The following IGSF9B variants were observed in gnomAD, a reference collection of about 807,000 sequenced individuals.
IGSF9B encodes protein turtle homolog B.
In IGSF9B, 48 loss-of-function variants were observed where a neutral mutation model predicts 143.7. That is an observed-to-expected ratio of 0.33 (90% confidence interval 0.26 to 0.42). IGSF9B has a LOEUF of 0.42. Ranked by LOEUF, IGSF9B falls within the 20% of genes least tolerant of loss-of-function variation. IGSF9B has a pLI of 1.00. For missense variants in IGSF9B, 1,706 were observed against 1,980.0 expected (o/e 0.86, Z 2.63); for synonymous variants, 903 against 833.1 (o/e 1.08, Z -1.44).
rs1026565031 is a variant in IGSF9B at position 133,920,492 on chromosome 11, C to G, written c.3233G>C (p.Arg1078Pro). The change falls in exon 18 of 20, where the codon CGA (arginine) becomes CCA (proline). Residue 1078 changes from arginine to proline, a missense_variant. By Grantham distance (103) the Arg-to-Pro change is moderately radical (BLOSUM62 -2). This residue lies in a region of IGSF9B where 880 missense variants were observed against 762.9 expected (regional missense o/e 1.15). Coordinates refer to ENST00000533871, the MANE Select transcript of IGSF9B (RefSeq NM_001277285.4). The part of the protein sequence containing the change: ...ESLQPKAGLP[R>P]GLPPTSLQVP... ...CTGCAGGGAGGTGGGGGGCAGTCCTCGGGGGAGGCCGGCCTTGGGCTGCAG... is the reference window on the plus strand; with the variant it reads ...CTGCAGGGAGGTGGGGGGCAGTCCTGGGGGGAGGCCGGCCTTGGGCTGCAG... 1.3e-6 allele frequency: 2 copies of G among 1,581,798 alleles called. No homozygotes were observed. The highest frequency in any genetic ancestry group is 1.3e-5 in the African/African-American group (1 of 74,456).
At position 133,921,359 on chromosome 11, in the gene IGSF9B, G is replaced by A. The variant is rs947845439; in HGVS notation, c.2366C>T (p.Thr789Met). 9 of 1,561,110 alleles carry A rather than the reference G, an allele frequency of 5.8e-6. No homozygotes were observed. Among genetic ancestry groups the A allele is most frequent in the African/African-American group, 2.7e-5 (2 of 73,464 alleles). The change falls in exon 18 of 20, where the codon ACG (threonine) becomes ATG (methionine). Residue 789 changes from threonine to methionine, a missense_variant. Physicochemically the swap from Thr to Met is moderately conservative, Grantham distance 81 (BLOSUM62 -1). Coordinates refer to ENST00000533871, the MANE Select transcript of IGSF9B (RefSeq NM_001277285.4). ...GGAGGATTCTGACGGCGCTCGGAGC[G>A]TGCGGATGCTCTCGGGGCTCACCTT... ...SGKVSPESIR[T>M]LRAPSESSDD...
chr11:133,955,222 T>G (rs1383342372), intron 1 of IGSF9B, among the ~76,000 whole-genome samples: 1 of 152,140 alleles, frequency 6.6e-6, no homozygotes, highest in African/African-American at 2.4e-5. Flanking sequence ...CGCAGCCCGA[T>G]GCACCTCACA....
chr11:133,936,496 G>A (rs973998202), intron 5 of IGSF9B, among the ~76,000 whole-genome samples: 1 of 152,194 alleles, frequency 6.6e-6, no homozygotes, highest in African/African-American at 2.4e-5. Context: ...TCTAGAGCGA[G>A]GAATAGTCCA....
intron 19 of IGSF9B, among the ~76,000 whole-genome samples, chr11:133,910,836 T>C (rs1188597379): frequency 6.6e-6 from 1 of 152,192 alleles, no homozygotes; most frequent in African/African-American, 2.4e-5. Flanking sequence ...AACTATATAT[T>C]GATGGGTCTT....
In IGSF9B at chr11:133,945,988, G is replaced by A. The variant is rs1329284020; in HGVS notation, c.262+73C>T. The A allele has an allele frequency of 2.9e-6, 3 of 1,025,824 alleles. No homozygotes were observed. Among genetic ancestry groups the A allele is most frequent in the Non-Finnish European group, 4.3e-6 (3 of 699,768 alleles). 63.5% of individuals were successfully genotyped at this position (1,025,824 alleles called of 1,614,324 possible). A position where few individuals can be genotyped will look rare whatever the true frequency, so the allele number is the denominator to read the frequency against. Reference sequence around the variant, plus strand: ...ATAAAGAGTGGTCAGGACAAGGCAGGGGCCAGAGGGGAACCACCGAGGAGC... The same window carrying A: ...ATAAAGAGTGGTCAGGACAAGGCAGAGGCCAGAGGGGAACCACCGAGGAGC... On this transcript the variant is annotated intron_variant, in intron 2 of 19. Transcript: ENST00000533871. This position sits in a 1 kb window ranked among gnomAD's most constrained non-coding sequence, Gnocchi z 4.6.
intron 18 of IGSF9B, among the ~76,000 whole-genome samples, chr11:133,917,624 G>A (rs1010769922): frequency 2.0e-5 from 3 of 152,090 alleles, no homozygotes; most frequent in Non-Finnish European, 4.4e-5. Flanking sequence ...GGAGCACAGG[G>A]GAGTGATGAC....
chr11:133,906,213 C>A lies in IGSF9B; in HGVS notation c.*2856G>T, dbSNP rs1216387242. ...ACACTGGTCCCTAGAGGTGGTTACACCCCCATCACCCACATGCTCACAACC... is the reference window on the plus strand; with the variant it reads ...ACACTGGTCCCTAGAGGTGGTTACAACCCCATCACCCACATGCTCACAACC... On this transcript the variant is annotated 3_prime_UTR_variant, in exon 20 of 20. Transcript: ENST00000533871. Among the ~76,000 whole-genome samples the A allele has an allele frequency of 6.6e-6, 1 of 152,202 alleles. No homozygotes were observed. The highest frequency in any genetic ancestry group is 2.4e-5 in the African/African-American group (1 of 41,454).
At position 133,903,392 on chromosome 11, in the gene IGSF9B, G is replaced by C. The variant is rs148349315; in HGVS notation, c.*5677C>G. 6.6e-6 allele frequency among the ~76,000 whole-genome samples: 1 copy of C among 152,276 alleles called. No homozygotes were observed. Among genetic ancestry groups the C allele is most frequent in the Non-Finnish European group, 1.5e-5 (1 of 68,020 alleles). On this transcript the variant is annotated 3_prime_UTR_variant, in exon 20 of 20. Transcript: ENST00000533871. ...CTCTCCCAGCCAGGGCTCCAAAGCC[G>C]GTAGCTTTTCACCAGCTCTCGTCCG...
At chr11:133,938,963 C>T (rs967464594) in intron 3 of IGSF9B, among the ~76,000 whole-genome samples, 1 of 152,224 alleles carries the variant, frequency 6.6e-6, no homozygotes, top group African/African-American at 2.4e-5. Context: ...CCAGTACCAC[C>T]GCCATCTCTA....
Position 133,931,842 on chromosome 11 carries a change from G to A in IGSF9B, c.1111-47C>T, listed in dbSNP as rs377731311. 8.3e-5 allele frequency: 132 copies of A among 1,599,952 alleles called. No individual in the cohort carries two copies. The highest frequency in any genetic ancestry group is 5.5e-4 in the African/African-American group (41 of 74,216). ...GCAGGGAACGCTGGTCAGAGACTCC[G>A]CGCTCCATCCCAGGCTGGGTCCCAG... is the stretch of plus-strand genomic sequence containing the variant. On this transcript the variant is annotated intron_variant, in intron 8 of 19. Transcript: ENST00000533871. The surrounding 1 kb of genome is among the most constrained non-coding windows in gnomAD (Gnocchi z 7.7).
intron 15 of IGSF9B, among the ~76,000 whole-genome samples, 176 bp downstream of exon 15, chr11:133,924,644 G>A (rs1939593161): frequency 6.6e-6 from 1 of 152,124 alleles, no homozygotes; most frequent in South Asian, 2.1e-4. Context: ...CATGCATCAT[G>A]GAAATATGGG....
chr11:133,908,954 C>A lies in IGSF9B; in HGVS notation c.*115G>T. ...CCGCTCTGGCAAAAGAGGGGGCATG[C>A]AGGACAAAGGTCTGGGCCGCCCTTG... is the stretch of plus-strand genomic sequence containing the variant. On this transcript the variant is annotated 3_prime_UTR_variant, in exon 20 of 20. Transcript: ENST00000533871. 1.1e-6 allele frequency: 1 copy of A among 870,544 alleles called. No individual in the cohort carries two copies. Among genetic ancestry groups the A allele is most frequent in the Non-Finnish European group, 1.7e-6 (1 of 571,990 alleles). The allele number at this position is 870,544 out of a possible 1,614,324, so 53.9% of individuals were successfully genotyped here.
At position 133,903,955 on chromosome 11, in the gene IGSF9B, AAAG is replaced by A. The variant is rs1270249278; in HGVS notation, c.*5111_*5113del. ...TTTTTCATTCTGCCTCTTAATCTAA[AAAG>A]AAGCAGAGCTGGAGACATTAAAGAG... On this transcript the variant is annotated 3_prime_UTR_variant, in exon 20 of 20. Coordinates refer to ENST00000533871, the MANE Select transcript of IGSF9B (RefSeq NM_001277285.4). Among the ~76,000 whole-genome samples the A allele has an allele frequency of 1.3e-5, 2 of 152,338 alleles. No individual in the cohort carries two copies. The highest frequency in any genetic ancestry group is 3.4e-3 in the Middle Eastern group (1 of 294).
intron 3 of IGSF9B, among the ~76,000 whole-genome samples, chr11:133,939,605 A>G (rs1271291376): frequency 6.6e-6 from 1 of 152,258 alleles, no homozygotes; most frequent in Non-Finnish European, 1.5e-5. Flanking sequence ...CTTAAGAGCA[A>G]GGCCACAGCT....
rs1452352583 is a variant in IGSF9B, at chr11:133,906,248, C to T, written c.*2821G>A. 1.3e-5 allele frequency among the ~76,000 whole-genome samples: 2 copies of T among 152,230 alleles called. No individual in the cohort carries two copies. The highest frequency in any genetic ancestry group is 2.4e-5 in the African/African-American group (1 of 41,454). On this transcript the variant is annotated 3_prime_UTR_variant, in exon 20 of 20. Transcript: ENST00000533871. ...CCACATGCTCACAACCACGCTGTCA[C>T]ACATGCCCACACCCAGCACCTAAAC...
At chr11:133,940,615 A>C (rs1477380352) in intron 3 of IGSF9B, among the ~76,000 whole-genome samples, 1 of 146,864 alleles carries the variant, frequency 6.8e-6, no homozygotes, top group Non-Finnish European at 1.5e-5. Flanking sequence ...TCACATAAAC[A>C]TACACCTTGC....
At position 133,909,242 on chromosome 11, in the gene IGSF9B, A is replaced by C. The variant is rs895993740; in HGVS notation, c.4141T>G (p.Ser1381Ala). Residue 1381 changes from serine (S) to alanine (A), a missense_variant, in exon 20 of 20, where the codon TCT becomes GCT. Coordinates refer to ENST00000533871, the MANE Select transcript of IGSF9B (RefSeq NM_001277285.4). This position sits in a 1 kb window ranked among gnomAD's most constrained non-coding sequence, Gnocchi z 4.2. ...SASQTQQLPN[S>A]QVLWPDEAVC... Reference sequence around the variant, plus strand: ...GCTTCATCGGGCCACAGAACCTGAGAGTTGGGAAGCTGCTGAGTCTGGGAG... The same window carrying C: ...GCTTCATCGGGCCACAGAACCTGAGCGTTGGGAAGCTGCTGAGTCTGGGAG... The C allele has an allele frequency of 5.9e-6, 9 of 1,535,746 alleles. No individual in the cohort carries two copies. Among genetic ancestry groups the C allele is most frequent in the Non-Finnish European group, 7.8e-6 (9 of 1,146,746 alleles).
rs182415066 is a variant in IGSF9B, at chr11:133,915,204, C to T, written c.3984-3197G>A. On this transcript the variant is annotated intron_variant, in intron 18 of 19. Coordinates refer to ENST00000533871, the MANE Select transcript of IGSF9B (RefSeq NM_001277285.4). The stretch of plus-strand genomic sequence containing the variant: ...CAAGATGAGGGCCTCAAAGCCTTGG[C>T]ACAGAGGTGTTTTTTGCAGTACAGA... 8.6e-5 allele frequency among the ~76,000 whole-genome samples: 13 copies of T among 151,676 alleles called. No individual in the cohort carries two copies. In the East Asian group the frequency reaches 2.5e-3, roughly 29 times the overall value.
At chr11:133,912,167 T>C in intron 18 of IGSF9B, 160 bp from the exon 19 acceptor site, 2 of 859,520 alleles carry the variant, frequency 2.3e-6, no homozygotes, top group Non-Finnish European at 3.7e-6. Context: ...CGCCTTTCTA[T>C]TGCTCCTGGA....
Sources: allele counts gnomAD v4.1 joint callset (sites outside exome capture counted in the v4.1 genomes callset), GRCh38; gene constraint gnomAD v4.1.1; regional missense constraint gnomAD v4.1.1; non-coding constraint Gnocchi (gnomAD v3.1); transcripts MANE v1.5; gene names NCBI Gene and HGNC (gene_info 2026-07-23, HGNC 2026-07-21).